The following TRPM8 variants were observed in gnomAD, a reference collection of about 807,000 sequenced individuals.
The protein encoded by TRPM8 is TRPM8 cationic channel.
Under a neutral mutation model 133.7 loss-of-function variants are expected in TRPM8, and 110 were observed. The observed-to-expected ratio is 0.82, with a 90% CI of 0.70 to 0.96. TRPM8 has a LOEUF of 0.96. Among genes scored for constraint, TRPM8 ranks in the 40% least tolerant of loss-of-function variants. The pLI is 0.00. For synonymous variants in TRPM8, 535 were observed against 532.3 expected (o/e 1.01, Z -0.07); for missense variants, 1,291 against 1,379.5 (o/e 0.94, Z 1.02).
At chr2:233,928,505 A>G (rs1050289669) in intron 2 of TRPM8, among the ~76,000 whole-genome samples, 9 of 152,318 alleles carry the variant, frequency 5.9e-5, no homozygotes, top group African/African-American at 2.2e-4. Flanking sequence ...TTAAAAAATC[A>G]TCACCCTTCT....
chr2:234,006,829 G>C, intron 22 of TRPM8, 24 bp from the exon 23 acceptor site: 3 of 1,564,174 alleles, frequency 1.9e-6, no homozygotes, highest in Non-Finnish European at 2.6e-6. Flanking sequence ...CAATTTGAAT[G>C]TTTTCTTTTT....
chr2:233,930,294 A>G (rs1328345970), intron 2 of TRPM8, among the ~76,000 whole-genome samples: 2 of 152,224 alleles, frequency 1.3e-5, no homozygotes, highest in African/African-American at 2.4e-5. Flanking sequence ...CTTCTTTTAA[A>G]CAGCAAGGAT....
chr2:233,947,580 C>T (rs1691075314), intron 8 of TRPM8: 2 of 1,291,104 alleles, frequency 1.5e-6, no homozygotes, highest in African/African-American at 1.5e-5. Flanking sequence ...CCTGGGGATG[C>T]AGGTATGTTG....
rs1691071472 is a variant in TRPM8, at chr2:233,947,432, G to C, written c.942+277G>C. On this transcript the variant is annotated intron_variant, in intron 8 of 25. Transcript: ENST00000324695. ...GAGAAGAGTTGACATTAATTCGGGA[G>C]ACTTAAAGATTGTAACCGGCATATA... 15 of 1,442,982 alleles carry C rather than the reference G, an allele frequency of 1.0e-5. No homozygotes were observed. The South Asian group carries it at 1.3e-4, about 13-fold the overall frequency. 89.4% of individuals were successfully genotyped at this position (1,442,982 alleles called of 1,614,324 possible). A position where few individuals can be genotyped will look rare whatever the true frequency, so the allele number is the denominator to read the frequency against.
At chr2:233,961,096 T>C (rs1435173859) in intron 12 of TRPM8, 30 bp downstream of exon 12, 1 of 1,599,692 alleles carries the variant, frequency 6.3e-7, no homozygotes, top group South Asian at 1.1e-5. Context: ...CCTGCTTGAG[T>C]TCTCGGATAT....
chr2:233,949,983 G>T lies in TRPM8; in HGVS notation c.977G>T (p.Cys326Phe). The change falls in exon 9 of 26, where the codon TGT becomes TTT. Residue 326 changes from cysteine (C) to phenylalanine (F), a missense_variant. By Grantham distance (205) the Cys-to-Phe change is radical. Transcript: ENST00000324695. ...ACCTCCATCAAAAATAAAATTCCTT[G>T]TGTGGTGGTGGAAGGCTCGGGCCAG... ...INTSIKNKIP[C>F]VVVEGSGQIA... The T allele has an allele frequency of 1.2e-6, 2 of 1,614,152 alleles. No homozygotes were observed. Among genetic ancestry groups the T allele is most frequent in the Non-Finnish European group, 1.7e-6 (2 of 1,180,032 alleles).
rs200355507 is a variant in TRPM8, at chr2:234,018,483, G to C, written c.*1227G>C. ...CCATTTATAAGGCTTTTTCATAAAT[G>C]TATAGCAAATAGGAATTATTAACTT... On this transcript the variant is annotated 3_prime_UTR_variant, in exon 26 of 26. Coordinates refer to ENST00000324695, the MANE Select transcript of TRPM8 (RefSeq NM_024080.5). The C allele has an allele frequency of 4.6e-5, 7 of 151,806 alleles. No individual in the cohort carries two copies. Among genetic ancestry groups the C allele is most frequent in the Non-Finnish European group, 1.0e-4 (7 of 67,940 alleles). 9.4% of individuals were successfully genotyped at this position (151,806 alleles called of 1,614,324 possible).
intron 22 of TRPM8, among the ~76,000 whole-genome samples, chr2:234,004,291 G>C (rs1355562984): frequency 6.6e-6 from 1 of 152,190 alleles, no homozygotes; most frequent in Admixed American, 6.5e-5. Flanking sequence ...TCCACCCTCG[G>C]GTGGTGTGGC....
chr2:233,932,815 A>T (rs1268478772), intron 3 of TRPM8, among the ~76,000 whole-genome samples: 2 of 151,270 alleles, frequency 1.3e-5, no homozygotes. Flanking sequence ...AGGTAGTGGG[A>T]TCACTCCATG....
chr2:233,992,316 G>T (rs1415039948), intron 21 of TRPM8, among the ~76,000 whole-genome samples: 1 of 150,190 alleles, frequency 6.7e-6, no homozygotes, highest in Non-Finnish European at 1.5e-5. Flanking sequence ...GTTATATGTT[G>T]CCAGAAGATT....
chr2:233,944,167 G>A (rs182965133), intron 6 of TRPM8, among the ~76,000 whole-genome samples: 13 of 152,054 alleles, frequency 8.5e-5, no homozygotes, highest in Non-Finnish European at 1.3e-4. Context: ...CAGAGTGAAT[G>A]GTAGCTTCTA....
At chr2:233,950,981 G>A (rs1047029561) in intron 9 of TRPM8, among the ~76,000 whole-genome samples, 2 of 152,136 alleles carry the variant, frequency 1.3e-5, no homozygotes, top group East Asian at 1.9e-4. Context: ...CAAGAAGATC[G>A]CTTGAGGCCA....
Position 233,980,280 on chromosome 2 carries a change from G to A in TRPM8, c.2447+1G>A, listed in dbSNP as rs1260060225. The A allele has an allele frequency of 1.3e-6, 2 of 1,582,856 alleles. No individual in the cohort carries two copies. The highest frequency in any genetic ancestry group is 1.2e-5 in the South Asian group (1 of 86,134). On this transcript the variant is annotated splice_donor_variant, in intron 18 of 25. Transcript: ENST00000324695. LOFTEE classifies it high-confidence loss of function. ...ACTTCATAGCAGGAATTGTATTTCG[G>A]TAAGTAGTCTCATCACTTTTCCTAA...
intron 17 of TRPM8, chr2:233,970,643 T>C (rs964720080): frequency 1.7e-6 from 1 of 573,966 alleles, no homozygotes; most frequent in Non-Finnish European, 3.1e-6. Context: ...CTTTGCTCTC[T>C]AATGAATGTT....
chr2:233,967,314 C>G (rs1691601104), intron 15 of TRPM8, among the ~76,000 whole-genome samples: 1 of 152,184 alleles, frequency 6.6e-6, no homozygotes, highest in Non-Finnish European at 1.5e-5. Context: ...GTAGTTTGCA[C>G]CTGGTGTCTT....
intron 21 of TRPM8, among the ~76,000 whole-genome samples, chr2:233,991,172 GGA>G (rs1355985693): frequency 2.6e-5 from 4 of 152,086 alleles, no homozygotes; most frequent in Admixed American, 2.6e-4. Context: ...GCTAGGTTAT[GGA>G]GAGTCTTTTA....
intron 14 of TRPM8, among the ~76,000 whole-genome samples, chr2:233,965,053 TG>T (rs58907890): frequency 0.38 from 47,049 of 122,998 alleles, 8,043 homozygotes; most frequent in Middle Eastern, 0.51. Flanking sequence ...CTTTTTTTTG[TG>T]GGGGGGGGGG....
At position 233,946,625 on chromosome 2, in the gene TRPM8, A is replaced by G. The variant is rs28901641; in HGVS notation, c.875-463A>G. Among the ~76,000 whole-genome samples the G allele has an allele frequency of 7.9e-4, 121 of 152,358 alleles. 1 individual carries two copies. The highest frequency in any genetic ancestry group is 2.8e-3 in the African/African-American group (115 of 41,586). ...GTGATTTAATGATAGACATAATGAC[A>G]GGAACTTGTTGGAAATGTTGTCAAT... On this transcript the variant is annotated intron_variant, in intron 7 of 25. Transcript: ENST00000324695.
At chr2:233,970,569 G>A in intron 17 of TRPM8, 143 bp downstream of exon 17, 2 of 744,186 alleles carry the variant, frequency 2.7e-6, no homozygotes, top group South Asian at 3.4e-5. Flanking sequence ...GCTAGTCCAT[G>A]AGTGTGAAGG....
Sources: gnomAD v4.1 joint callset for allele counts (sites outside exome capture counted in the v4.1 genomes callset) on GRCh38, gnomAD v4.1.1 for gene constraint, MANE v1.5 for transcripts, NCBI Gene and HGNC (gene_info 2026-07-23, HGNC 2026-07-21) for gene names.